OPN5: variants seen among roughly 807,000 people sequenced by gnomAD.
The protein encoded by OPN5 is opsin-5.
OPN5 carries 18 observed loss-of-function variants against 41.7 expected under a neutral mutation model. The observed-to-expected ratio is 0.43, with a 90% CI of 0.30 to 0.64. The LOEUF is 0.64. Among genes scored for constraint, OPN5 ranks in the 30% least tolerant of loss-of-function variants. The pLI is 0.13. For synonymous variants in OPN5, 178 were observed against 164.3 expected, an observed-to-expected ratio of 1.08 and a Z score of -0.64; for missense variants, 318 against 434.5, an observed-to-expected ratio of 0.73 and a Z score of 2.38.
At chr6:47,792,423 C>T (rs1460731339) in intron 3 of OPN5, among the ~76,000 whole-genome samples, 1 of 152,184 alleles carries the variant, frequency 6.6e-6, no homozygotes, top group Non-Finnish European at 1.5e-5. Flanking sequence ...AAAAGTTCAC[C>T]TCCAAGTTAG....
rs1581768120 is a variant in OPN5 at position 47,823,153 on chromosome 6, T to A, written c.1057-830T>A. The stretch of plus-strand genomic sequence containing the variant: ...TATGTGATTGCATATTGATGTTGAA[T>A]GAGACACAAATTTAACCCTCAAGGA... On this transcript the variant is annotated intron_variant, in intron 6 of 6. Coordinates refer to ENST00000371211, the Ensembl canonical transcript of OPN5. 4.6e-5 allele frequency among the ~76,000 whole-genome samples: 7 copies of A among 152,192 alleles called. No homozygotes were observed. In the South Asian group the frequency reaches 1.4e-3, roughly 31 times the overall value.
chr6:47,799,935 A>G (rs1773707053), intron 4 of OPN5, among the ~76,000 whole-genome samples: 1 of 150,566 alleles, frequency 6.6e-6, no homozygotes, highest in African/African-American at 2.4e-5. Flanking sequence ...AATTGTGGAT[A>G]TTCAAAGTCA....
chr6:47,819,352 TAAAAAATATATTACC>T (rs1762528689), intron 6 of OPN5, among the ~76,000 whole-genome samples: 2 of 95,142 alleles, frequency 2.1e-5, no homozygotes, highest in African/African-American at 3.7e-5. Flanking sequence ...TATATATATA[TAAAAAATATATTACC>T]GTATAAGTAG....
intron 2 of OPN5, among the ~76,000 whole-genome samples, chr6:47,789,927 TGAGGACTGAATAGG>T (rs1773315321): frequency 6.8e-6 from 1 of 146,822 alleles, no homozygotes; most frequent in African/African-American, 2.5e-5. Flanking sequence ...GGGGGTGTGG[TGAGGACTGAATAGG>T]GAGGGCTACA....
intron 6 of OPN5, 113 bp downstream of exon 6, chr6:47,811,844 A>G: frequency 1.6e-6 from 1 of 634,364 alleles, no homozygotes; most frequent in South Asian, 2.6e-5. Context: ...ATATTTTTAT[A>G]TTTTGTACAG....
intron 6 of OPN5, among the ~76,000 whole-genome samples, chr6:47,817,830 C>T (rs1409991635): frequency 5.3e-5 from 8 of 152,008 alleles, no homozygotes; most frequent in South Asian, 2.1e-4. Flanking sequence ...GATCTGTGAG[C>T]GGGACACTCT....
chr6:47,786,445 G>C, intron 1 of OPN5, 70 bp from the exon 2 acceptor site: 1 of 1,318,648 alleles, frequency 7.6e-7, no homozygotes, highest in Non-Finnish European at 1.1e-6. Context: ...TTGAAGTTGA[G>C]AAGTGTTTCA....
At chr6:47,814,009 A>C (rs943271408) in intron 6 of OPN5, among the ~76,000 whole-genome samples, 1 of 152,160 alleles carries the variant, frequency 6.6e-6, no homozygotes, top group African/African-American at 2.4e-5. Flanking sequence ...AAAATAATCT[A>C]AAGTCATACT....
chr6:47,819,336 A>AATATATATATATATATATATATAT (rs1363402346), intron 6 of OPN5, among the ~76,000 whole-genome samples: 1 of 24,318 alleles, frequency 4.1e-5, no homozygotes, highest in African/African-American at 1.4e-4. Flanking sequence ...GAAAATTAGG[A>AATATATATATATATATATATATAT]ATATATATAT....
At chr6:47,790,954 A>G (rs546931654) in intron 2 of OPN5, among the ~76,000 whole-genome samples, 1 of 152,166 alleles carries the variant, frequency 6.6e-6, no homozygotes, top group African/African-American at 2.4e-5. Context: ...AAAAAACCAA[A>G]TTCCCCTTTT....
intron 6 of OPN5, among the ~76,000 whole-genome samples, chr6:47,817,419 T>G (rs1432168894): frequency 6.6e-6 from 1 of 152,122 alleles, no homozygotes; most frequent in Non-Finnish European, 1.5e-5. Flanking sequence ...AAAAGTGTAT[T>G]TAAAGTAGAA....
exon 7 of OPN5, chr6:47,823,994 A>C: frequency 2.6e-6 from 4 of 1,550,108 alleles, no homozygotes; most frequent in Non-Finnish European, 3.5e-6. Context: ...GGGAATAACA[A>C]ATGTTCTGGT....
intron 5 of OPN5, among the ~76,000 whole-genome samples, chr6:47,809,427 C>A (rs758209287): frequency 6.6e-6 from 1 of 152,040 alleles, no homozygotes; most frequent in Non-Finnish European, 1.5e-5. Context: ...TTCCTCACCA[C>A]GGGTCAAATG....
chr6:47,792,422 C>T (rs1215724433), intron 3 of OPN5, among the ~76,000 whole-genome samples: 1 of 152,176 alleles, frequency 6.6e-6, no homozygotes, highest in African/African-American at 2.4e-5. Flanking sequence ...AAAAAGTTCA[C>T]CTCCAAGTTA....
intron 5 of OPN5, among the ~76,000 whole-genome samples, chr6:47,811,261 G>A (rs1374643286): frequency 6.6e-6 from 1 of 152,152 alleles, no homozygotes; most frequent in Non-Finnish European, 1.5e-5. Flanking sequence ...TAACAAGGGA[G>A]AACAAAGCTG....
At chr6:47,815,800 G>C (rs1302116423) in intron 6 of OPN5, among the ~76,000 whole-genome samples, 1 of 152,112 alleles carries the variant, frequency 6.6e-6, no homozygotes, top group African/African-American at 2.4e-5. Flanking sequence ...TCACCACTGT[G>C]ACCCTCTATG....
downstream of OPN5, chr6:47,825,253 A>G (rs373717256): frequency 6.6e-6 from 1 of 152,234 alleles, no homozygotes; most frequent in East Asian, 1.9e-4. Flanking sequence ...TTAAACCATG[A>G]AAGACACGAT....
At chr6:47,819,463 G>T (rs1388976013) in intron 6 of OPN5, among the ~76,000 whole-genome samples, 1 of 139,524 alleles carries the variant, frequency 7.2e-6, no homozygotes, top group East Asian at 2.1e-4. Flanking sequence ...TCCACATTCA[G>T]TAGTTTAGTG....
chr6:47,800,813 C>T (rs1441491579), intron 4 of OPN5, among the ~76,000 whole-genome samples: 2 of 152,298 alleles, frequency 1.3e-5, no homozygotes, highest in East Asian at 3.9e-4. Flanking sequence ...CTTACTGATA[C>T]AATTTTTGCA....
Sources: gnomAD v4.1 joint callset for allele counts (sites outside exome capture counted in the v4.1 genomes callset) on GRCh38, gnomAD v4.1.1 for gene constraint, MANE v1.5 for transcripts, NCBI Gene and HGNC (gene_info 2026-07-23, HGNC 2026-07-21) for gene names.